CACNA2D3: variants seen among roughly 807,000 people sequenced by gnomAD.
CACNA2D3 encodes the protein calcium voltage-gated channel auxiliary subunit alpha2delta 3, also known as voltage-dependent calcium channel subunit alpha-2/delta-3.
CACNA2D3 carries 60 observed loss-of-function variants against 160.6 expected under a neutral mutation model. The observed-to-expected ratio is 0.37, with a 90% CI of 0.30 to 0.46. The LOEUF (loss-of-function observed/expected upper bound fraction) is 0.46, where lower values mean the gene tolerates loss of function less well. Among genes scored for constraint, CACNA2D3 ranks in the 20% least tolerant of loss-of-function variants. The probability of loss-of-function intolerance (pLI) is 1.00; values close to 1 mark genes in which losing one functional copy is unlikely to be tolerated. For synonymous variants in CACNA2D3, 558 were observed against 492.9 expected, an observed-to-expected ratio of 1.13 and a Z score of -1.75; for missense variants, 1,205 against 1,365.0, an observed-to-expected ratio of 0.88 and a Z score of 1.85.
chr3:54,436,178 A>G (rs758521820), intron 4 of CACNA2D3, among the ~76,000 whole-genome samples: 2 of 152,166 alleles, frequency 1.3e-5, no homozygotes, highest in African/African-American at 2.4e-5. Context: ...TATTAAAAAA[A>G]ACTCATCATC....
intron 11 of CACNA2D3, among the ~76,000 whole-genome samples, chr3:54,688,409 G>A (rs1008947375): frequency 1.3e-5 from 2 of 151,500 alleles, no homozygotes; most frequent in African/African-American, 2.4e-5. Context: ...TCCTATGAAT[G>A]TTATGAAGGA....
chr3:54,358,473 G>A (rs1174818717), intron 3 of CACNA2D3, among the ~76,000 whole-genome samples: 6 of 152,174 alleles, frequency 3.9e-5, no homozygotes, highest in Non-Finnish European at 1.5e-5. Context: ...GCCACTCGAC[G>A]TCTCCATGCC....
chr3:54,727,325 T>A (rs571050110), intron 11 of CACNA2D3, among the ~76,000 whole-genome samples: 2 of 152,274 alleles, frequency 1.3e-5, no homozygotes, highest in African/African-American at 4.8e-5. Flanking sequence ...TAAATTAGTT[T>A]AACCATTGTG....
chr3:54,993,872 G>A (rs1226013307), intron 31 of CACNA2D3, among the ~76,000 whole-genome samples: 1 of 85,012 alleles, frequency 1.2e-5, no homozygotes, highest in Admixed American at 1.1e-4. Flanking sequence ...TTTTTTTTTT[G>A]GTTGCAACTG....
At chr3:55,065,000 G>C (rs1225274384) in intron 35 of CACNA2D3, among the ~76,000 whole-genome samples, 1 of 152,174 alleles carries the variant, frequency 6.6e-6, no homozygotes, top group Non-Finnish European at 1.5e-5. Context: ...GGTACTTTTA[G>C]AACAAGGTTA....
At chr3:54,710,549 T>C (rs899695451) in intron 11 of CACNA2D3, among the ~76,000 whole-genome samples, 2 of 152,192 alleles carry the variant, frequency 1.3e-5, no homozygotes, top group Non-Finnish European at 1.5e-5. Context: ...ATATCATTTC[T>C]GTTCATATTC....
chr3:54,226,249 G>T (rs1047693084), intron 2 of CACNA2D3, among the ~76,000 whole-genome samples: 1 of 151,502 alleles, frequency 6.6e-6, no homozygotes, highest in African/African-American at 2.4e-5. Flanking sequence ...ACCCCAGGAA[G>T]AGGGAAATGG....
At chr3:54,531,019 A>G (rs1701798131) in intron 5 of CACNA2D3, among the ~76,000 whole-genome samples, 1 of 152,232 alleles carries the variant, frequency 6.6e-6, no homozygotes, top group African/African-American at 2.4e-5. Context: ...TTTAAAGAAC[A>G]CAGAGTTCAG....
intron 12 of CACNA2D3, among the ~76,000 whole-genome samples, chr3:54,763,879 A>C (rs1210722972): frequency 4.0e-5 from 1 of 24,886 alleles, no homozygotes; most frequent in Non-Finnish European, 7.3e-5. Context: ...ACGTATATAT[A>C]TGTATATATA....
intron 12 of CACNA2D3, among the ~76,000 whole-genome samples, chr3:54,755,630 A>G (rs1052371511): frequency 6.6e-6 from 1 of 152,166 alleles, no homozygotes. Context: ...AGGGAGAACT[A>G]TAGGAAGAAC....
At chr3:54,226,367 G>A (rs1314777247) in intron 2 of CACNA2D3, among the ~76,000 whole-genome samples, 1 of 140,070 alleles carries the variant, frequency 7.1e-6, no homozygotes, top group African/African-American at 2.7e-5. Flanking sequence ...CTGGAATGCA[G>A]TGGCATTATC....
intron 11 of CACNA2D3, among the ~76,000 whole-genome samples, chr3:54,660,003 G>A (rs938249052): frequency 6.6e-6 from 1 of 152,062 alleles, no homozygotes; most frequent in Non-Finnish European, 1.5e-5. Flanking sequence ...ACAAAATAAT[G>A]ACTTACCCTT....
At chr3:54,671,637 G>T (rs192948803) in intron 11 of CACNA2D3, among the ~76,000 whole-genome samples, 1 of 152,098 alleles carries the variant, frequency 6.6e-6, no homozygotes, top group African/African-American at 2.4e-5. Flanking sequence ...GTCTCTGCAC[G>T]GAAATACAGC....
intron 11 of CACNA2D3, among the ~76,000 whole-genome samples, chr3:54,736,100 C>CATAT (rs1205460988): frequency 4.2e-5 from 2 of 47,908 alleles, no homozygotes; most frequent in African/African-American, 1.9e-4. Context: ...TATATATATA[C>CATAT]ATATATATGT....
chr3:54,751,035 A>T (rs1411844962), intron 11 of CACNA2D3, among the ~76,000 whole-genome samples: 2 of 151,966 alleles, frequency 1.3e-5, no homozygotes, highest in Admixed American at 6.6e-5. Context: ...CTCCCAAAGT[A>T]CTGGGAGTAC....
chr3:55,016,593 G>A (rs1035860610), intron 34 of CACNA2D3, among the ~76,000 whole-genome samples: 3 of 152,178 alleles, frequency 2.0e-5, no homozygotes, highest in Non-Finnish European at 2.9e-5. Context: ...GCAAAAGTGC[G>A]TGCAGGCTTC....
intron 14 of CACNA2D3, among the ~76,000 whole-genome samples, chr3:54,825,222 G>A (rs545980434): frequency 6.6e-6 from 1 of 152,228 alleles, no homozygotes; most frequent in Non-Finnish European, 1.5e-5. Context: ...TTTCATCTCA[G>A]TTGTTCTTAC....
At chr3:55,052,592 C>T (rs1704254445) in intron 35 of CACNA2D3, among the ~76,000 whole-genome samples, 1 of 152,022 alleles carries the variant, frequency 6.6e-6, no homozygotes, top group Non-Finnish European at 1.5e-5. Flanking sequence ...GTTGCAGTCT[C>T]CAACTGTAAT....
At chr3:55,002,157 CAAAA>C (rs543053532) in intron 31 of CACNA2D3, among the ~76,000 whole-genome samples, 3 of 93,964 alleles carry the variant, frequency 3.2e-5, no homozygotes, top group Admixed American at 1.2e-4. Flanking sequence ...GACTCCATAT[CAAAA>C]AAAAAAAAAA....
Sources: allele counts gnomAD v4.1 joint callset (sites outside exome capture counted in the v4.1 genomes callset), GRCh38; gene constraint gnomAD v4.1.1; transcripts MANE v1.5; gene names NCBI Gene and HGNC (gene_info 2026-07-23, HGNC 2026-07-21).